RAD51B: variants seen among roughly 807,000 people sequenced by gnomAD.
The protein encoded by RAD51B is DNA repair protein RAD51 homolog 2.
A neutral mutation model predicts 42.2 loss-of-function variants in RAD51B; 38 were observed. That is an observed-to-expected ratio of 0.90 (90% CI 0.70 to 1.18). The LOEUF is 1.18. Ranked by LOEUF, RAD51B falls within the 50% of genes most tolerant of loss-of-function variation. RAD51B has a pLI of 0.00. For missense variants in RAD51B, 373 were observed against 400.7 expected (o/e 0.93, Z 0.59); for synonymous variants, 154 against 145.2 (o/e 1.06, Z -0.43).
intron 8 of RAD51B, among the ~76,000 whole-genome samples, chr14:68,403,707 T>C (rs1217074404): frequency 6.6e-6 from 1 of 152,216 alleles, no homozygotes; most frequent in Non-Finnish European, 1.5e-5. Flanking sequence ...ATCCAAAAGA[T>C]AGTCATGAAA....
At chr14:68,073,274 AT>A (rs1490878936) in intron 7 of RAD51B, among the ~76,000 whole-genome samples, 1 of 152,080 alleles carries the variant, frequency 6.6e-6, no homozygotes, top group African/African-American at 2.4e-5. Flanking sequence ...TGATTATGTA[AT>A]TCCCTTCTTT....
intron 10 of RAD51B, chr14:68,468,517 A>G: frequency 1.1e-5 from 5 of 470,762 alleles, no homozygotes; most frequent in South Asian, 9.7e-5. Context: ...TCAAACCAAG[A>G]AAGCTCGGAA....
intron 10 of RAD51B, among the ~76,000 whole-genome samples, chr14:68,521,704 G>A (rs997359923): frequency 7.2e-5 from 11 of 152,196 alleles, no homozygotes; most frequent in African/African-American, 2.7e-4. Flanking sequence ...TTCCCTTCTA[G>A]CTTCCCTGCA....
At chr14:68,604,043 C>T (rs951505423) in intron 10 of RAD51B, among the ~76,000 whole-genome samples, 10 of 152,342 alleles carry the variant, frequency 6.6e-5, no homozygotes, top group South Asian at 4.1e-4. Context: ...TTTCTTAGCC[C>T]GCCAGGATTG....
intron 8 of RAD51B, among the ~76,000 whole-genome samples, chr14:68,384,817 C>G (rs1042790401): frequency 1.3e-5 from 2 of 152,100 alleles, no homozygotes; most frequent in African/African-American, 4.8e-5. Context: ...AACTGCTTTC[C>G]CTCCAGAACC....
intron 10 of RAD51B, among the ~76,000 whole-genome samples, chr14:68,527,128 CA>C (rs1282333867): frequency 2.0e-5 from 3 of 152,150 alleles, no homozygotes; most frequent in Non-Finnish European, 4.4e-5. Context: ...TAACGATGAC[CA>C]AAACAAAACA....
At chr14:68,674,302 GT>G (rs1430188976) in intron 11 of RAD51B, among the ~76,000 whole-genome samples, 2 of 151,948 alleles carry the variant, frequency 1.3e-5, no homozygotes, top group African/African-American at 4.8e-5. Context: ...ATACACACGT[GT>G]TTTCCTCCTA....
At chr14:68,169,655 T>C (rs1243178598) in intron 7 of RAD51B, among the ~76,000 whole-genome samples, 2 of 150,900 alleles carry the variant, frequency 1.3e-5, no homozygotes, top group East Asian at 3.9e-4. Context: ...GGCTCGAATT[T>C]TCCTGTGGCC....
Position 68,594,188 on chromosome 14 carries a change from C to T in RAD51B, c.1037-297C>T, listed in dbSNP as rs75561087. On this transcript the variant is annotated intron_variant, in intron 10 of 10. Transcript: ENST00000487270. ...AGGACTTTTCATATGCATTTGAGACCACAATTTCCTCTCCCAGAAACCCCA... is the reference window on the plus strand; with the variant it reads ...AGGACTTTTCATATGCATTTGAGACTACAATTTCCTCTCCCAGAAACCCCA... Among the ~76,000 whole-genome samples the T allele has an allele frequency of 9.0e-3, 1,364 of 151,860 alleles. 14 individuals carry two copies. Among genetic ancestry groups the T allele is most frequent in the African/African-American group, 0.031 (1,292 of 41,328 alleles).
chr14:68,133,312 A>G (rs2077937837), intron 7 of RAD51B, among the ~76,000 whole-genome samples: 1 of 152,198 alleles, frequency 6.6e-6, no homozygotes, highest in Non-Finnish European at 1.5e-5. Context: ...GAAACTGAGG[A>G]ATATTTATTC....
At chr14:68,678,682 G>A (rs555804050) in intron 11 of RAD51B, among the ~76,000 whole-genome samples, 18 of 152,256 alleles carry the variant, frequency 1.2e-4, no homozygotes, top group African/African-American at 3.9e-4. Context: ...GAGAGTGCTG[G>A]TGAGGCCGTG....
chr14:68,390,512 A>G (rs2083715368), intron 8 of RAD51B, among the ~76,000 whole-genome samples: 1 of 152,210 alleles, frequency 6.6e-6, no homozygotes, highest in African/African-American at 2.4e-5. Context: ...AAATATTCCT[A>G]TTAGTCAGTA....
intron 4 of RAD51B, among the ~76,000 whole-genome samples, chr14:67,850,746 A>T (rs961750216): frequency 1.3e-5 from 2 of 152,082 alleles, no homozygotes; most frequent in Admixed American, 6.6e-5. Context: ...CCCAACCCTG[A>T]TGAGGGTGGC....
At chr14:68,066,830 C>T (rs1323726704) in intron 7 of RAD51B, among the ~76,000 whole-genome samples, 1 of 151,870 alleles carries the variant, frequency 6.6e-6, no homozygotes, top group African/African-American at 2.4e-5. Flanking sequence ...AGAAATATAT[C>T]TTAATTAAAG....
At chr14:68,512,532 T>G (rs1885801006) in intron 10 of RAD51B, among the ~76,000 whole-genome samples, 1 of 152,192 alleles carries the variant, frequency 6.6e-6, no homozygotes, top group Non-Finnish European at 1.5e-5. Context: ...ATCCAAATCA[T>G]GGAAGTGCGG....
At chr14:67,981,376 TA>T (rs1365141024) in intron 7 of RAD51B, among the ~76,000 whole-genome samples, 1 of 152,224 alleles carries the variant, frequency 6.6e-6, no homozygotes, top group Non-Finnish European at 1.5e-5. Flanking sequence ...TGTAAAATGG[TA>T]TAACCACTTT....
chr14:68,205,055 A>G (rs1566727683), intron 7 of RAD51B, among the ~76,000 whole-genome samples: 1 of 152,210 alleles, frequency 6.6e-6, no homozygotes, highest in Non-Finnish European at 1.5e-5. Context: ...CAGTGGTTAT[A>G]TATACTCTGA....
In RAD51B at chr14:68,074,368, T is replaced by A. The variant is rs2076800091; in HGVS notation, c.756+187164T>A. 3.3e-5 allele frequency among the ~76,000 whole-genome samples: 5 copies of A among 152,240 alleles called. No homozygotes were observed. In the South Asian group the frequency reaches 1.0e-3, roughly 31 times the overall value. On this transcript the variant is annotated intron_variant, in intron 7 of 10. Coordinates refer to ENST00000471583, the MANE Select transcript of RAD51B (RefSeq NM_133510.4). ...AAATCTTGTAGTGAGTTTTTCAGCT[T>A]TATCATCTCAGTTTGTTTCTTTCTT...
intron 10 of RAD51B, among the ~76,000 whole-genome samples, chr14:68,590,419 C>G (rs916982935): frequency 2.0e-5 from 3 of 152,240 alleles, no homozygotes; most frequent in African/African-American, 7.2e-5. Context: ...CCCCAGCTTG[C>G]CAGCATGGCA....
Sources: gnomAD v4.1 joint callset for allele counts (sites outside exome capture counted in the v4.1 genomes callset) on GRCh38, gnomAD v4.1.1 for gene constraint, MANE v1.5 for transcripts, NCBI Gene and HGNC (gene_info 2026-07-23, HGNC 2026-07-21) for gene names.